The following TRPC4 variants were observed in gnomAD, a reference collection of about 807,000 sequenced individuals.
TRPC4 encodes the protein short transient receptor potential channel 4.
Under a neutral mutation model 99.4 loss-of-function variants are expected in TRPC4, and 49 were observed. The observed-to-expected ratio is 0.49, with a 90% CI of 0.39 to 0.63. The LOEUF is 0.63. Among genes scored for constraint, TRPC4 ranks in the 20% least tolerant of loss-of-function variants. The probability of loss-of-function intolerance (pLI) is 0.00; values close to 1 mark genes in which losing one functional copy is unlikely to be tolerated. For missense variants in TRPC4, 898 were observed against 1,152.9 expected (o/e 0.78, Z 3.20); for synonymous variants, 454 against 425.9 (o/e 1.07, Z -0.81).
rs542216779 is a variant in TRPC4 at position 37,750,637 on chromosome 13, T to G, written c.379-4182A>C. On this transcript the variant is annotated intron_variant, in intron 2 of 10. Transcript: ENST00000379705. ...GTGGTCAAATGCATAATGTTTTTAC[T>G]TTGGCAATTTTTAAAAAAATTATTA... Among the ~76,000 whole-genome samples, 3 of 152,258 alleles carry G rather than the reference T, an allele frequency of 2.0e-5. No homozygotes were observed. In the East Asian group the frequency reaches 5.8e-4, roughly 30 times the overall value.
intron 3 of TRPC4, among the ~76,000 whole-genome samples, chr13:37,734,809 C>G (rs953944367): frequency 6.6e-6 from 1 of 152,088 alleles, no homozygotes; most frequent in Non-Finnish European, 1.5e-5. Context: ...TCATTTAACA[C>G]TGTATCAGTG....
chr13:37,640,877 CTTAAT>C (rs984731882), intron 8 of TRPC4, among the ~76,000 whole-genome samples: 1 of 152,084 alleles, frequency 6.6e-6, no homozygotes, highest in African/African-American at 2.4e-5. Flanking sequence ...GCTAGAAACT[CTTAAT>C]TTAATATAGA....
chr13:37,765,455 G>A (rs1956337661), intron 2 of TRPC4, among the ~76,000 whole-genome samples: 1 of 151,152 alleles, frequency 6.6e-6, no homozygotes, highest in East Asian at 2.0e-4. Flanking sequence ...TAATCCATGT[G>A]GAATTCAGCT....
chr13:37,864,558 CATTA>C (rs1303513101), intron 1 of TRPC4, among the ~76,000 whole-genome samples: 2 of 151,696 alleles, frequency 1.3e-5, no homozygotes, highest in Non-Finnish European at 1.5e-5. Context: ...GTATAAAATA[CATTA>C]ATTATGTCAA....
intron 3 of TRPC4, among the ~76,000 whole-genome samples, chr13:37,712,302 T>G (rs1268114108): frequency 6.6e-6 from 1 of 152,144 alleles, no homozygotes; most frequent in East Asian, 1.9e-4. Context: ...GGATTTGCAT[T>G]CCTCTCTCCC....
intron 3 of TRPC4, among the ~76,000 whole-genome samples, chr13:37,745,475 C>CGTGTATATATATATATAT (rs1566138437): frequency 4.3e-3 from 34 of 7,838 alleles, no homozygotes; most frequent in South Asian, 0.016. Context: ...TATATATATA[C>CGTGTATATATATATATAT]ACACACACAC....
rs938447297 is a variant in TRPC4 at position 37,768,410 on chromosome 13, G to C, written c.378+14546C>G. Among the ~76,000 whole-genome samples, 3 of 151,562 alleles carry C rather than the reference G, an allele frequency of 2.0e-5. No individual in the cohort carries two copies. The East Asian group carries it at 5.9e-4, about 30-fold the overall frequency. ...CTTTCCAGGCAAAAGAAAACTGTTG[G>C]AGGGACATTCTTACTCTTCCTGATG... On this transcript the variant is annotated intron_variant, in intron 2 of 10. Transcript: ENST00000379705.
chr13:37,773,762 T>C (rs1593710163), intron 2 of TRPC4, among the ~76,000 whole-genome samples: 1 of 151,794 alleles, frequency 6.6e-6, no homozygotes. Flanking sequence ...AATTTTTTGG[T>C]AGCAATTTTT....
chr13:37,716,949 A>G (rs1954692382), intron 3 of TRPC4, among the ~76,000 whole-genome samples: 1 of 149,550 alleles, frequency 6.7e-6, no homozygotes, highest in African/African-American at 2.5e-5. Flanking sequence ...GGACGGTGGT[A>G]AAATATCATA....
intron 6 of TRPC4, among the ~76,000 whole-genome samples, chr13:37,658,762 C>T (rs1952328738): frequency 6.6e-6 from 1 of 152,240 alleles, no homozygotes; most frequent in East Asian, 1.9e-4. Flanking sequence ...ACATGTAGTT[C>T]TTCTCAGGGT....
chr13:37,809,340 A>G (rs969724313), intron 1 of TRPC4, among the ~76,000 whole-genome samples: 3 of 151,986 alleles, frequency 2.0e-5, no homozygotes, highest in African/African-American at 7.2e-5. Context: ...TACTTTTCTA[A>G]TTTTATATCC....
At chr13:37,817,746 A>G (rs1036465504) in intron 1 of TRPC4, among the ~76,000 whole-genome samples, 1 of 152,080 alleles carries the variant, frequency 6.6e-6, no homozygotes, top group Non-Finnish European at 1.5e-5. Context: ...ACCTACAACT[A>G]TTCAATCTTT....
At chr13:37,714,051 C>A (rs1427490130) in intron 3 of TRPC4, among the ~76,000 whole-genome samples, 2 of 151,184 alleles carry the variant, frequency 1.3e-5, no homozygotes, top group East Asian at 3.9e-4. Flanking sequence ...TTCCTTCCTT[C>A]CCTCCTTCCT....
At chr13:37,696,330 A>C (rs573365121) in intron 3 of TRPC4, among the ~76,000 whole-genome samples, 1 of 152,202 alleles carries the variant, frequency 6.6e-6, no homozygotes, top group Non-Finnish European at 1.5e-5. Context: ...CAGCCAAACC[A>C]TATCAACTAT....
chr13:37,637,632 A>T lies in TRPC4; in HGVS notation c.2212-7T>A. ...AAATGTCTTGCTTTAGTTCCTACGT[A>T]GAATTTAAAATGAAAAATTCGGTTA... On this transcript the variant is annotated splice_region_variant and splice_polypyrimidine_tract_variant and intron_variant, in intron 10 of 10. Transcript: ENST00000379705. The T allele has an allele frequency of 6.4e-7, 1 of 1,555,286 alleles. No homozygotes were observed. The highest frequency in any genetic ancestry group is 8.6e-7 in the Non-Finnish European group (1 of 1,156,384).
chr13:37,689,362 A>C (rs1326985434), intron 4 of TRPC4, among the ~76,000 whole-genome samples: 1 of 152,184 alleles, frequency 6.6e-6, no homozygotes, highest in Non-Finnish European at 1.5e-5. Flanking sequence ...TGGATCTAGC[A>C]AGGCACTGAG....
At chr13:37,780,366 T>G (rs1472825106) in intron 2 of TRPC4, among the ~76,000 whole-genome samples, 1 of 107,848 alleles carries the variant, frequency 9.3e-6, no homozygotes, top group Non-Finnish European at 2.1e-5. Flanking sequence ...TTACATTTAT[T>G]TTGTTCAGTT....
intron 2 of TRPC4, 111 bp from the exon 3 acceptor site, chr13:37,746,566 GGTTTTT>G: frequency 1.2e-6 from 1 of 807,660 alleles, no homozygotes; most frequent in Non-Finnish European, 1.6e-6. Context: ...TCCTTGGCCG[GGTTTTT>G]TTTTTTTTGT....
At chr13:37,848,359 T>C (rs1008720596) in intron 1 of TRPC4, among the ~76,000 whole-genome samples, 1 of 152,158 alleles carries the variant, frequency 6.6e-6, no homozygotes, top group Non-Finnish European at 1.5e-5. Context: ...CAAAAAACTT[T>C]AATATAAAAA....
Sources: allele counts gnomAD v4.1 joint callset (sites outside exome capture counted in the v4.1 genomes callset), GRCh38; gene constraint gnomAD v4.1.1; transcripts MANE v1.5; gene names NCBI Gene and HGNC (gene_info 2026-07-23, HGNC 2026-07-21).